ASAH2: variants seen among roughly 807,000 people sequenced by gnomAD.
ASAH2 encodes the protein neutral ceramidase.
ASAH2 carries 58 observed loss-of-function variants against 82.9 expected under a neutral mutation model. That is an observed-to-expected ratio of 0.70 (90% CI 0.57 to 0.87). The LOEUF (loss-of-function observed/expected upper bound fraction) is 0.87. ASAH2 is among the 40% of genes least tolerant of loss of function. ASAH2 has a pLI of 0.00. For synonymous variants in ASAH2, 276 were observed against 289.7 expected (o/e 0.95, Z 0.48); for missense variants, 779 against 834.0 (o/e 0.93, Z 0.81).
At chr10:50,216,826 T>A (rs1845614024) in intron 8 of ASAH2, among the ~76,000 whole-genome samples, 1 of 152,184 alleles carries the variant, frequency 6.6e-6, no homozygotes, top group Non-Finnish European at 1.5e-5. Context: ...AGAGATAATT[T>A]ATTTCATAGT....
chr10:50,194,279 C>T (rs1406381345), intron 18 of ASAH2, among the ~76,000 whole-genome samples: 2 of 151,436 alleles, frequency 1.3e-5, no homozygotes, highest in Non-Finnish European at 2.9e-5. Context: ...AAATCAAATT[C>T]AGCAACATCT....
chr10:50,244,022 T>C (rs1299388729), intron 3 of ASAH2, among the ~76,000 whole-genome samples: 2 of 152,120 alleles, frequency 1.3e-5, no homozygotes, highest in Admixed American at 6.5e-5. Context: ...GGCAGATTTA[T>C]TAGGCAAAGT....
Position 50,187,053 on chromosome 10 carries a change from A to G in ASAH2, c.*262T>C, listed in dbSNP as rs1360242529. The G allele has an allele frequency of 6.1e-6, 3 of 490,764 alleles. No homozygotes were observed. Among genetic ancestry groups the G allele is most frequent in the Non-Finnish European group, 7.3e-6 (2 of 275,450 alleles). 30.4% of individuals were successfully genotyped at this position (490,764 alleles called of 1,614,324 possible). ...CTTTAGGCTGTAGACCACAAGATAT[A>G]TGGCTGCTGGAGCAAGATATATGGG... On this transcript the variant is annotated 3_prime_UTR_variant, in exon 21 of 21. Coordinates refer to ENST00000682911, the MANE Select transcript of ASAH2 (RefSeq NM_019893.4).
chr10:50,205,252 G>A (rs1845264423), intron 13 of ASAH2, among the ~76,000 whole-genome samples: 1 of 151,800 alleles, frequency 6.6e-6, no homozygotes, highest in South Asian at 2.1e-4. Context: ...CAATAAATAA[G>A]GAATTCCATT....
Position 50,206,037 on chromosome 10 carries a change from G to C in ASAH2, c.1475C>G (p.Ser492Cys), listed in dbSNP as rs1187592872. The C allele has an allele frequency of 1.9e-6, 3 of 1,612,630 alleles. No individual in the cohort carries two copies. Among genetic ancestry groups the C allele is most frequent in the Non-Finnish European group, 2.5e-6 (3 of 1,178,930 alleles). The change falls in exon 13 of 21, where the codon TCT becomes TGT. Residue 492 changes from serine to cysteine, a missense_variant. By Grantham distance (112) the Ser-to-Cys change is moderately radical. Around this residue, in one of 3 missense-constraint regions of ASAH2, gnomAD observed 759 missense variants for 755.2 expected, o/e 1.00. Transcript: ENST00000682911. ...TIRDQILGKP[S>C]EEIKECHKPK... The stretch of plus-strand genomic sequence containing the variant: ...TTTATGACATTCTTTAATTTCTTCA[G>C]ATGGCTTTCCCAGGATCTGGTCCCG...
intron 12 of ASAH2, among the ~76,000 whole-genome samples, chr10:50,208,942 G>T (rs1460015844): frequency 1.3e-5 from 2 of 152,116 alleles, no homozygotes; most frequent in South Asian, 2.1e-4. Context: ...CTGGCACAAG[G>T]TTAGGCATAT....
At chr10:50,195,796 A>G (rs1431905764) in intron 18 of ASAH2, among the ~76,000 whole-genome samples, 2 of 151,904 alleles carry the variant, frequency 1.3e-5, no homozygotes, top group Non-Finnish European at 2.9e-5. Context: ...CCAGGTACAG[A>G]AAGATAAATA....
intron 4 of ASAH2, among the ~76,000 whole-genome samples, chr10:50,237,131 T>C (rs1270895308): frequency 6.6e-6 from 1 of 152,148 alleles, no homozygotes; most frequent in African/African-American, 2.4e-5. Context: ...GAAAAGCAAC[T>C]CAGGCATAGT....
intron 2 of ASAH2, 42 bp from the exon 3 acceptor site, chr10:50,245,496 T>C (rs1846431112): frequency 1.9e-6 from 3 of 1,542,242 alleles, no homozygotes; most frequent in Non-Finnish European, 8.8e-7. Flanking sequence ...ATTTCAGCCC[T>C]CTTATTTGTC....
chr10:50,212,653 C>G (rs1287061747), intron 10 of ASAH2, among the ~76,000 whole-genome samples: 3 of 152,158 alleles, frequency 2.0e-5, no homozygotes, highest in Non-Finnish European at 4.4e-5. Flanking sequence ...TCTAATGCCA[C>G]AAGAAATTGA....
intron 1 of ASAH2, among the ~76,000 whole-genome samples, chr10:50,249,618 T>A (rs1016485758): frequency 6.6e-6 from 1 of 152,196 alleles, no homozygotes; most frequent in East Asian, 1.9e-4. Flanking sequence ...TATCTCAAAG[T>A]TCTTATAAAA....
intron 7 of ASAH2, among the ~76,000 whole-genome samples, chr10:50,225,645 T>C (rs1845862262): frequency 6.6e-6 from 1 of 152,128 alleles, no homozygotes; most frequent in Admixed American, 6.6e-5. Context: ...AACATTCTGC[T>C]CAAGTTTGAG....
At position 50,199,021 on chromosome 10, in the gene ASAH2, C is replaced by T. The variant is rs1471599659; in HGVS notation, c.1857+30G>A. The T allele has an allele frequency of 6.9e-5, 110 of 1,598,288 alleles. 1 individual carries two copies. The highest frequency in any genetic ancestry group is 6.7e-4 in the East Asian group (30 of 44,690). On this transcript the variant is annotated intron_variant, in intron 17 of 20. Coordinates refer to ENST00000682911, the MANE Select transcript of ASAH2 (RefSeq NM_019893.4). ...ACACACACACACACACACGCACGCG[C>T]GCATGCACGCACAAACAATATTTGA...
intron 7 of ASAH2, among the ~76,000 whole-genome samples, chr10:50,227,444 C>T (rs1258243498): frequency 6.6e-6 from 1 of 152,116 alleles, no homozygotes; most frequent in Admixed American, 6.5e-5. Flanking sequence ...ACAGAATGAG[C>T]TTTTAGTCAT....
chr10:50,210,467 T>C (rs1464505770), intron 12 of ASAH2, among the ~76,000 whole-genome samples: 1 of 151,896 alleles, frequency 6.6e-6, no homozygotes, highest in Non-Finnish European at 1.5e-5. Flanking sequence ...GCCACTGTAC[T>C]CCAGCCTGGG....
At chr10:50,248,675 T>C (rs1381082701) in intron 1 of ASAH2, 29 bp from the exon 2 acceptor site, 7 of 1,535,880 alleles carry the variant, frequency 4.6e-6, no homozygotes, top group Non-Finnish European at 6.2e-6. Context: ...CAAATTAAAA[T>C]GCAAATGCTT....
In ASAH2 at chr10:50,220,547, C is replaced by A. The variant is rs1016762888; in HGVS notation, c.894-1917G>T. Among the ~76,000 whole-genome samples the A allele has an allele frequency of 7.9e-5, 12 of 152,158 alleles. No homozygotes were observed. The East Asian group carries it at 2.3e-3, about 29-fold the overall frequency. On this transcript the variant is annotated intron_variant, in intron 7 of 20. Transcript: ENST00000682911. ...AAACACAGGAACAGAAAACCAAATA[C>A]CACATGTTCTCACTTATAAGTGGGA... is the stretch of plus-strand genomic sequence containing the variant.
intron 3 of ASAH2, among the ~76,000 whole-genome samples, chr10:50,244,549 T>G (rs1391582523): frequency 2.0e-5 from 3 of 152,202 alleles, no homozygotes; most frequent in African/African-American, 7.2e-5. Flanking sequence ...TGCTCTGGTT[T>G]CCTAGTGAAG....
At chr10:50,220,389 G>A (rs1845708972) in intron 7 of ASAH2, among the ~76,000 whole-genome samples, 1 of 152,160 alleles carries the variant, frequency 6.6e-6, no homozygotes, top group Admixed American at 6.5e-5. Context: ...GCCCGTCAGT[G>A]ATAGACTAGA....
Sources: allele counts gnomAD v4.1 joint callset (sites outside exome capture counted in the v4.1 genomes callset), GRCh38; gene constraint gnomAD v4.1.1; regional missense constraint gnomAD v4.1.1; transcripts MANE v1.5; gene names NCBI Gene and HGNC (gene_info 2026-07-23, HGNC 2026-07-21).